HSH2D: variants seen among roughly 807,000 people sequenced by gnomAD.
HSH2D encodes the protein hematopoietic SH2 domain-containing protein.
In HSH2D, 16 loss-of-function variants were observed where a neutral mutation model predicts 21.5. The ratio of observed to expected loss-of-function variants is 0.74; its 90% CI spans 0.50 to 1.13. The LOEUF (loss-of-function observed/expected upper bound fraction) is 1.13. Among genes scored for constraint, HSH2D ranks in the 50% most tolerant of loss-of-function variants. HSH2D has a pLI of 0.00. For missense variants in HSH2D, 418 were observed against 441.4 expected, an observed-to-expected ratio of 0.95 and a Z score of 0.47; for synonymous variants, 172 against 184.7, an observed-to-expected ratio of 0.93 and a Z score of 0.56.
rs776397306 is a variant in HSH2D, at chr19:16,153,023, C to T, written c.216-20C>T. On this transcript the variant is annotated intron_variant, in intron 3 of 5. Transcript: ENST00000613986. Reference sequence around the variant, plus strand: ...GATGAGGGGGAGTAGGATGTCCCAGCCCCCGCAGTGTCTCCGCAGAGCCCA... The same window carrying T: ...GATGAGGGGGAGTAGGATGTCCCAGTCCCCGCAGTGTCTCCGCAGAGCCCA... 1 of 1,603,492 alleles carries T rather than the reference C, an allele frequency of 6.2e-7. No homozygotes were observed. The highest frequency in any genetic ancestry group is 1.1e-5 in the South Asian group (1 of 89,216).
chr19:16,156,108 C>A (rs1204733309), intron 5 of HSH2D, among the ~76,000 whole-genome samples: 2 of 151,976 alleles, frequency 1.3e-5, no homozygotes, highest in Admixed American at 6.6e-5. Flanking sequence ...ATTCCCAGTG[C>A]TTTGGGAGGC....
intron 2 of HSH2D, among the ~76,000 whole-genome samples, chr19:16,149,650 G>A (rs138540278): frequency 4.0e-5 from 6 of 149,104 alleles, no homozygotes; most frequent in South Asian, 2.1e-4. Flanking sequence ...GTAGTGGCGC[G>A]ATCTCGGCTC....
Position 16,157,664 on chromosome 19 carries a change from A to C in HSH2D, c.929A>C (p.His310Pro). Residue 310 changes from histidine to proline, a missense_variant, in exon 6 of 6, where the codon CAC (histidine) becomes CCC (proline). Physicochemically the swap from His to Pro is moderately conservative, Grantham distance 77. Transcript: ENST00000613986. This position sits in a 1 kb window ranked among gnomAD's most constrained non-coding sequence, Gnocchi z 4.4. ...IEVTPGDRSW[H>P]QMVVRALSSQ... ...GTGACCCCAGGGGACAGGAGTTGGC[A>C]CCAAATGGTAGTGAGAGCCCTATCC... The C allele has an allele frequency of 5.0e-6, 8 of 1,613,468 alleles. No homozygotes were observed. The highest frequency in any genetic ancestry group is 2.7e-5 in the African/African-American group (2 of 75,020).
At position 16,154,441 on chromosome 19, in the gene HSH2D, T is replaced by C; in HGVS notation, c.424T>C (p.Ser142Pro). The C allele has an allele frequency of 6.4e-7, 1 of 1,552,534 alleles. No homozygotes were observed. Among genetic ancestry groups the C allele is most frequent in the South Asian group, 1.2e-5 (1 of 84,096 alleles). ...GGATTACGAGGATCTCTTCCTCTAC[T>C]CCAACGCAGTGGCCGAGGAAGCTGC... ...NVDYEDLFLY[S>P]NAVAEEAACP... Residue 142 changes from serine to proline, a missense_variant, in exon 5 of 6, where the codon TCC becomes CCC. By Grantham distance (74) the Ser-to-Pro change is moderately conservative. Transcript: ENST00000613986.
rs548978946 is a variant in HSH2D at position 16,149,493 on chromosome 19, G to A, written c.125+618G>A. Reference sequence around the variant, plus strand: ...GCTGGGATTACAGGCGTGAGCCACCGCACCCGGCCAGAATCTTTCTGAACA... The same window carrying A: ...GCTGGGATTACAGGCGTGAGCCACCACACCCGGCCAGAATCTTTCTGAACA... On this transcript the variant is annotated intron_variant, in intron 2 of 5. Transcript: ENST00000613986. Among the ~76,000 whole-genome samples, 459 of 151,922 alleles carry A rather than the reference G, an allele frequency of 3.0e-3. 4 individuals carry two copies. The highest frequency in any genetic ancestry group is 0.01 in the African/African-American group (434 of 41,412).
At chr19:16,141,589 C>A (rs1237344544), upstream of HSH2D, among the ~76,000 whole-genome samples, 1 of 152,146 alleles carries the variant, frequency 6.6e-6, no homozygotes, top group Non-Finnish European at 1.5e-5. Flanking sequence ...AATAAGGAAT[C>A]CAGCCTGGAC....
At chr19:16,147,167 A>C (rs1432425887) in intron 1 of HSH2D, among the ~76,000 whole-genome samples, 4 of 152,094 alleles carry the variant, frequency 2.6e-5, no homozygotes, top group Non-Finnish European at 5.9e-5. Flanking sequence ...TTATTTATAA[A>C]ATGAACTTTC....
At chr19:16,145,295 C>T (rs891536772) in intron 1 of HSH2D, among the ~76,000 whole-genome samples, 9 of 152,038 alleles carry the variant, frequency 5.9e-5, no homozygotes, top group Admixed American at 2.0e-4. Flanking sequence ...TCACTGCAAC[C>T]TCCGCCTCCC....
chr19:16,148,953 T>C lies in HSH2D; in HGVS notation c.125+78T>C, dbSNP rs1048204352. On this transcript the variant is annotated intron_variant, in intron 2 of 5. Transcript: ENST00000613986. Reference sequence around the variant, plus strand: ...GTCCCTACCCTGGGCAGCTTTTAACTGCAGAATTCTGGACTTGGCTCAGCT... The same window carrying C: ...GTCCCTACCCTGGGCAGCTTTTAACCGCAGAATTCTGGACTTGGCTCAGCT... 1.3e-5 allele frequency: 19 copies of C among 1,445,654 alleles called. No individual in the cohort carries two copies. The African/African-American group carries it at 2.7e-4, about 21-fold the overall frequency. The allele number at this position is 1,445,654 out of a possible 1,614,324, so 89.6% of individuals were successfully genotyped here.
chr19:16,154,295 G>A (rs1024747624), intron 4 of HSH2D, 104 bp from the exon 5 acceptor site: 3 of 689,598 alleles, frequency 4.4e-6, no homozygotes, highest in Non-Finnish European at 7.3e-6. Context: ...TAGGTACTAA[G>A]AAACTGCTAT....
At chr19:16,155,152 AC>A (rs1431917494) in intron 5 of HSH2D, among the ~76,000 whole-genome samples, 2 of 152,010 alleles carry the variant, frequency 1.3e-5, no homozygotes, top group East Asian at 3.9e-4. Context: ...GGTTTGGGAG[AC>A]CTTTAGGCAC....
intron 5 of HSH2D, among the ~76,000 whole-genome samples, chr19:16,156,985 CAAA>C: frequency 8.0e-6 from 1 of 125,040 alleles, no homozygotes; most frequent in Admixed American, 8.1e-5. Flanking sequence ...AACTCCATCT[CAAA>C]AAAAAAAAAA....
upstream of HSH2D, chr19:16,143,673 C>T (rs567897963): frequency 1.2e-5 from 5 of 429,648 alleles, no homozygotes; most frequent in Middle Eastern, 3.4e-4. Context: ...TCGGGGCAGC[C>T]AGCCCCGCCC....
At chr19:16,139,896 G>C (rs1283283584), upstream of HSH2D, 1 of 152,204 alleles carries the variant, frequency 6.6e-6, no homozygotes, top group Non-Finnish European at 1.5e-5. Flanking sequence ...TCCGTTTGCG[G>C]GCCGAGGCCT....
Position 16,157,568 on chromosome 19 carries a change from C to G in HSH2D, c.833C>G (p.Ser278Ter). The change falls in exon 6 of 6, where the codon TCA becomes TGA. Residue 278 changes from serine to a stop codon, truncating the protein, a stop_gained. Transcript: ENST00000613986. LOFTEE classifies it low-confidence loss of function (END_TRUNC). This position sits in a 1 kb window ranked among gnomAD's most constrained non-coding sequence, Gnocchi z 4.4. ...GTGGCCACATCTCTCAAAAGCCCCTCACAGCCCCAGGCACCAAAAGACAGA... is the reference window on the plus strand; with the variant it reads ...GTGGCCACATCTCTCAAAAGCCCCTGACAGCCCCAGGCACCAAAAGACAGA... ...PCVATSLKSPSQPQAPKDRKV... is the reference protein window; with the variant it reads ...PCVATSLKSP The G allele has an allele frequency of 1.2e-6, 2 of 1,613,924 alleles. No homozygotes were observed. Among genetic ancestry groups the G allele is most frequent in the Non-Finnish European group, 1.7e-6 (2 of 1,179,846 alleles).
At chr19:16,142,750 A>AC (rs2091012346), upstream of HSH2D, among the ~76,000 whole-genome samples, 1 of 151,908 alleles carries the variant, frequency 6.6e-6, no homozygotes, top group Non-Finnish European at 1.5e-5. Context: ...GGCATGAGCC[A>AC]CCGCACCCAG....
At chr19:16,140,319 A>AAAAT (rs2090991493), upstream of HSH2D, among the ~76,000 whole-genome samples, 3 of 151,996 alleles carry the variant, frequency 2.0e-5, no homozygotes, top group Non-Finnish European at 2.9e-5. Context: ...ATAAAAAATA[A>AAAAT]AAATAAATAA....
At chr19:16,148,633 C>A in intron 1 of HSH2D, 91 bp from the exon 2 acceptor site, 1 of 1,338,470 alleles carries the variant, frequency 7.5e-7, no homozygotes, top group Non-Finnish European at 1.0e-6. Context: ...GAGGACTTCT[C>A]AAAGGAGGAG....
intron 4 of HSH2D, 132 bp downstream of exon 4, chr19:16,153,340 A>G: frequency 1.2e-6 from 1 of 854,794 alleles, no homozygotes; most frequent in Admixed American, 3.2e-5. Flanking sequence ...CTCCGGCCCC[A>G]CCCCAGTAGT....
Sources: gnomAD v4.1 joint callset for allele counts (sites outside exome capture counted in the v4.1 genomes callset) on GRCh38, gnomAD v4.1.1 for gene constraint, Gnocchi (gnomAD v3.1) non-coding constraint, MANE v1.5 for transcripts, NCBI Gene and HGNC (gene_info 2026-07-23, HGNC 2026-07-21) for gene names.